USP15: variants seen among roughly 807,000 people sequenced by gnomAD.
USP15 encodes the protein ubiquitin carboxyl-terminal hydrolase 15.
Under a neutral mutation model 127.1 loss-of-function variants are expected in USP15, and 18 were observed. The ratio of observed to expected loss-of-function variants is 0.14; its 90% CI spans 0.10 to 0.21. The LOEUF is 0.21. Ranked by LOEUF, USP15 falls within the 10% of genes least tolerant of loss-of-function variation. The pLI, the probability that USP15 is intolerant of heterozygous loss-of-function variation, is 1.00. For missense variants in USP15, 805 were observed against 1,159.9 expected (o/e 0.69, Z 4.44); for synonymous variants, 364 against 393.7 (o/e 0.92, Z 0.89).
chr12:62,335,298 A>C, intron 6 of USP15: 1 of 1,485,836 alleles, frequency 6.7e-7, no homozygotes, highest in Non-Finnish European at 8.9e-7. Context: ...TAACTCCACA[A>C]ATGTTAGCTA....
chr12:62,337,357 A>G (rs1441903559), intron 6 of USP15, among the ~76,000 whole-genome samples: 1 of 152,190 alleles, frequency 6.6e-6, no homozygotes, highest in Non-Finnish European at 1.5e-5. Flanking sequence ...TTACAGTTCC[A>G]CATGGCTAGC....
At chr12:62,293,235 T>A (rs1196703750) in intron 1 of USP15, among the ~76,000 whole-genome samples, 1 of 152,166 alleles carries the variant, frequency 6.6e-6, no homozygotes, top group Admixed American at 6.6e-5. Context: ...CCCTTGGGGC[T>A]CCCAGCCACT....
intron 2 of USP15, among the ~76,000 whole-genome samples, chr12:62,299,358 G>A (rs773959714): frequency 2.0e-5 from 3 of 152,098 alleles, no homozygotes; most frequent in South Asian, 2.1e-4. Context: ...TGATCCATCC[G>A]CCTCAGTCCC....
Position 62,381,487 on chromosome 12 carries a change from C to T in USP15, c.916-3C>T. ...ACTTGAAAATATATTTTATTTTTTGCAGTGTTTGAGCAACACACCTCCACT... is the reference window on the plus strand; with the variant it reads ...ACTTGAAAATATATTTTATTTTTTGTAGTGTTTGAGCAACACACCTCCACT... On this transcript the variant is annotated splice_polypyrimidine_tract_variant and splice_region_variant and intron_variant, in intron 8 of 21. Coordinates refer to ENST00000280377, the MANE Select transcript of USP15 (RefSeq NM_001252078.2). 3 of 1,568,782 alleles carry T rather than the reference C, an allele frequency of 1.9e-6. No homozygotes were observed. Among genetic ancestry groups the T allele is most frequent in the Non-Finnish European group, 2.6e-6 (3 of 1,158,762 alleles).
chr12:62,313,945 C>A, intron 3 of USP15: 1 of 564,370 alleles, frequency 1.8e-6, no homozygotes, highest in Non-Finnish European at 2.2e-6. Context: ...CTCCCTTTTG[C>A]CATATTTGTC....
intron 8 of USP15, among the ~76,000 whole-genome samples, chr12:62,367,508 A>G (rs921900193): frequency 9.2e-5 from 14 of 152,038 alleles, no homozygotes; most frequent in African/African-American, 2.9e-4. Flanking sequence ...AGACTTTTTT[A>G]TGGGCCTATT....
At chr12:62,372,065 T>A (rs2137529671) in intron 8 of USP15, among the ~76,000 whole-genome samples, 1 of 152,226 alleles carries the variant, frequency 6.6e-6, no homozygotes, top group East Asian at 1.9e-4. Flanking sequence ...TTAAAAAAAA[T>A]TAGTTCTTTC....
At position 62,405,079 on chromosome 12, in the gene USP15, A is replaced by G. The variant is rs1031601377; in HGVS notation, c.*704A>G. The G allele has an allele frequency of 6.6e-6, 1 of 152,082 alleles. No homozygotes were observed. Among genetic ancestry groups the G allele is most frequent in the African/African-American group, 2.4e-5 (1 of 41,430 alleles). 9.4% of individuals were successfully genotyped at this position (152,082 alleles called of 1,614,324 possible). Reference sequence around the variant, plus strand: ...AGTCATTTTTCAGTTACATGTAAGTATTATTTACTGCTATTGGGATCTATT... The same window carrying G: ...AGTCATTTTTCAGTTACATGTAAGTGTTATTTACTGCTATTGGGATCTATT... On this transcript the variant is annotated 3_prime_UTR_variant, in exon 22 of 22. Transcript: ENST00000280377.
intron 8 of USP15, among the ~76,000 whole-genome samples, chr12:62,379,857 T>A (rs1367435926): frequency 6.6e-6 from 1 of 152,048 alleles, no homozygotes; most frequent in East Asian, 1.9e-4. Flanking sequence ...CTCCCTTTAG[T>A]GCTGGGTTTA....
At chr12:62,300,208 T>G (rs2064266980) in intron 2 of USP15, among the ~76,000 whole-genome samples, 1 of 152,156 alleles carries the variant, frequency 6.6e-6, no homozygotes, top group African/African-American at 2.4e-5. Flanking sequence ...CAGAGAGCAT[T>G]GCTGAAACCA....
intron 11 of USP15, among the ~76,000 whole-genome samples, chr12:62,386,623 A>C (rs142893251): frequency 0.012 from 1,770 of 152,208 alleles, 24 homozygotes; most frequent in South Asian, 0.028. Flanking sequence ...TTATGGGAGA[A>C]GAGGACATGG....
At chr12:62,338,962 T>C (rs1381036312) in intron 6 of USP15, among the ~76,000 whole-genome samples, 1 of 152,224 alleles carries the variant, frequency 6.6e-6, no homozygotes, top group Non-Finnish European at 1.5e-5. Flanking sequence ...GGCTCATTTT[T>C]TGTTTCACAT....
intron 1 of USP15, among the ~76,000 whole-genome samples, chr12:62,261,715 C>G (rs1009759803): frequency 6.6e-6 from 1 of 152,028 alleles, no homozygotes; most frequent in Non-Finnish European, 1.5e-5. Context: ...TTTAGTTATC[C>G]TCTTATCTCT....
At chr12:62,303,153 CTG>C (rs2064366938) in intron 3 of USP15, 1 of 308,024 alleles carries the variant, frequency 3.2e-6, no homozygotes, top group East Asian at 5.6e-5. Context: ...AGAGAAAACT[CTG>C]TAAGGTAAGT....
At chr12:62,293,829 G>T (rs2064048449) in intron 1 of USP15, among the ~76,000 whole-genome samples, 1 of 152,048 alleles carries the variant, frequency 6.6e-6, no homozygotes. Flanking sequence ...CAAGCTTCTT[G>T]TAAAAGAACC....
intron 8 of USP15, among the ~76,000 whole-genome samples, chr12:62,371,332 G>A (rs919967435): frequency 1.3e-5 from 2 of 152,046 alleles, no homozygotes; most frequent in Admixed American, 6.6e-5. Context: ...GGACAAATAC[G>A]TATTATGTGG....
intron 8 of USP15, among the ~76,000 whole-genome samples, chr12:62,356,545 A>G (rs10747958): frequency 0.33 from 50,794 of 151,712 alleles, 9,101 homozygotes; most frequent in African/African-American, 0.47. Context: ...GAAATTGAAT[A>G]GGGAAGGCAT....
intron 8 of USP15, among the ~76,000 whole-genome samples, chr12:62,363,124 C>A (rs1439319156): frequency 1.3e-5 from 2 of 152,136 alleles, no homozygotes; most frequent in African/African-American, 4.8e-5. Flanking sequence ...TTTCAGGCTA[C>A]TATCTTCTTA....
chr12:62,285,148 T>C (rs894024586), intron 1 of USP15, among the ~76,000 whole-genome samples: 1 of 152,156 alleles, frequency 6.6e-6, no homozygotes, highest in Admixed American at 6.5e-5. Context: ...AATGCAGTTT[T>C]GTTACATGGA....
Sources: gnomAD v4.1 joint callset for allele counts (sites outside exome capture counted in the v4.1 genomes callset) on GRCh38, gnomAD v4.1.1 for gene constraint, MANE v1.5 for transcripts, NCBI Gene and HGNC (gene_info 2026-07-23, HGNC 2026-07-21) for gene names.